Variants in KHDC1 observed in about 807,000 individuals in gnomAD.
KHDC1 encodes the protein KH domain containing 1.
KHDC1 carries 21 observed loss-of-function variants against 24.7 expected under a neutral mutation model. The observed-to-expected ratio is 0.85, with a 90% CI of 0.60 to 1.23. The LOEUF (loss-of-function observed/expected upper bound fraction) is 1.23. KHDC1 is among the 50% of genes most tolerant of loss of function. The probability of loss-of-function intolerance (pLI) is 0.00; values close to 1 mark genes in which losing one functional copy is unlikely to be tolerated. For synonymous variants in KHDC1, 98 were observed against 111.7 expected (o/e 0.88, Z 0.77); for missense variants, 274 against 298.5 (o/e 0.92, Z 0.61).
chr6:73,247,457 G>A (rs1309725454), intron 2 of KHDC1, among the ~76,000 whole-genome samples: 1 of 152,140 alleles, frequency 6.6e-6, no homozygotes, highest in East Asian at 1.9e-4. Flanking sequence ...TGCAGCTGTG[G>A]CAGCAGCACA....
chr6:73,241,393 T>C, exon 5 of KHDC1: 1 of 749,832 alleles, frequency 1.3e-6, no homozygotes, highest in South Asian at 1.6e-5. Context: ...CCCTCAGACA[T>C]GTCTAGAAGA....
intron 2 of KHDC1, among the ~76,000 whole-genome samples, chr6:73,251,994 G>T (rs145649925): frequency 0.014 from 2,031 of 149,216 alleles, 40 homozygotes; most frequent in African/African-American, 0.047. Flanking sequence ...GAGTAGAGGG[G>T]TTATAGGCGT....
intron 2 of KHDC1, among the ~76,000 whole-genome samples, chr6:73,273,079 G>C (rs1375245523): frequency 2.6e-5 from 4 of 151,336 alleles, no homozygotes; most frequent in African/African-American, 9.7e-5. Flanking sequence ...GGCTGGTGGC[G>C]AACTCTTGAC....
intron 2 of KHDC1, among the ~76,000 whole-genome samples, chr6:73,243,985 C>G (rs535678101): frequency 6.6e-6 from 1 of 152,248 alleles, no homozygotes; most frequent in Admixed American, 6.5e-5. Context: ...ATTCCTATTA[C>G]TGGAATTGGA....
intron 2 of KHDC1, chr6:73,290,691 A>C (rs1198384334): frequency 4.4e-6 from 2 of 452,754 alleles, no homozygotes; most frequent in Non-Finnish European, 8.6e-6. Flanking sequence ...CTGCTGCTGG[A>C]GCCACATGTA....
chr6:73,255,214 C>CTTT (rs765910035), intron 2 of KHDC1, among the ~76,000 whole-genome samples: 16 of 121,256 alleles, frequency 1.3e-4, no homozygotes, highest in South Asian at 2.7e-4. Context: ...AAAAAATAAA[C>CTTT]TTTTTTTTTT....
At chr6:73,277,032 AG>A (rs1300061796) in intron 2 of KHDC1, among the ~76,000 whole-genome samples, 1 of 152,204 alleles carries the variant, frequency 6.6e-6, no homozygotes, top group Non-Finnish European at 1.5e-5. Flanking sequence ...TTAATGTCCC[AG>A]GGAACTTTTG....
chr6:73,292,649 A>C, intron 1 of KHDC1: 1 of 755,558 alleles, frequency 1.3e-6, no homozygotes. Context: ...GGTTGTGATA[A>C]TATTGTTGAT....
chr6:73,283,499 A>G (rs927212823), intron 2 of KHDC1, among the ~76,000 whole-genome samples: 1 of 151,872 alleles, frequency 6.6e-6, no homozygotes, highest in Non-Finnish European at 1.5e-5. Context: ...TCAACTCCCG[A>G]CCTCAAGTGA....
At chr6:73,291,772 G>A (rs1213292655) in intron 2 of KHDC1, among the ~76,000 whole-genome samples, 1 of 151,834 alleles carries the variant, frequency 6.6e-6, no homozygotes. Flanking sequence ...AAGGATGGGA[G>A]GGGGGTGAGG....
intron 1 of KHDC1, among the ~76,000 whole-genome samples, chr6:73,302,691 A>T (rs1306332351): frequency 6.6e-6 from 1 of 152,240 alleles, no homozygotes; most frequent in African/African-American, 2.4e-5. Context: ...GTTCTATTAT[A>T]GTCTGATGGG....
chr6:73,306,360 A>AG (rs1275400227), intron 1 of KHDC1, among the ~76,000 whole-genome samples: 37 of 152,088 alleles, frequency 2.4e-4, no homozygotes, highest in African/African-American at 8.9e-4. Context: ...CTCTTCCCCC[A>AG]GCCTCTCCGT....
chr6:73,265,528 CAAAAAAAAAAAA>C (rs70994179), intron 2 of KHDC1, among the ~76,000 whole-genome samples: 5 of 74,502 alleles, frequency 6.7e-5, no homozygotes, highest in African/African-American at 2.1e-4. Flanking sequence ...GACTCCGTCT[CAAAAAAAAAAAA>C]AAAAAAAAAA....
Position 73,309,535 on chromosome 6 carries a change from C to T in KHDC1, c.163+17G>A, listed in dbSNP as rs1018626679. ...GTGAAGGAAGCTTTTCCTACCAGGG[C>T]CCCTAAAGCCACTCACCTCGATTTC... On this transcript the variant is annotated intron_variant, in intron 1 of 4. Coordinates refer to ENST00000370384, the Ensembl canonical transcript of KHDC1. 3.3e-6 allele frequency: 5 copies of T among 1,499,138 alleles called. No homozygotes were observed. The African/African-American group carries it at 4.3e-5, about 13-fold the overall frequency. The allele number at this position is 1,499,138 out of a possible 1,614,324, so 92.9% of individuals were successfully genotyped here. A position where few individuals can be genotyped will look rare whatever the true frequency, so the allele number is the denominator to read the frequency against.
At chr6:73,300,849 A>ATGCT (rs1248437530) in intron 1 of KHDC1, 1 of 152,236 alleles carries the variant, frequency 6.6e-6, no homozygotes, top group East Asian at 1.9e-4. Context: ...CCAGTTTACC[A>ATGCT]TGCTTGTCTG....
intron 2 of KHDC1, among the ~76,000 whole-genome samples, chr6:73,248,657 A>T (rs1204246473): frequency 6.6e-6 from 1 of 152,234 alleles, no homozygotes; most frequent in African/African-American, 2.4e-5. Context: ...GAGGCGAAGC[A>T]TCAGGTGCAA....
intron 1 of KHDC1, among the ~76,000 whole-genome samples, chr6:73,297,989 G>A (rs1041469340): frequency 4.6e-5 from 7 of 152,082 alleles, no homozygotes; most frequent in African/African-American, 1.2e-4. Flanking sequence ...CCGGGAGTTT[G>A]AGACCAGCCT....
chr6:73,288,082 TAG>T (rs1237074043), intron 2 of KHDC1, among the ~76,000 whole-genome samples: 2 of 152,208 alleles, frequency 1.3e-5, no homozygotes, highest in Non-Finnish European at 1.5e-5. Flanking sequence ...ACCTAAAGGA[TAG>T]AGTTAGTCAT....
chr6:73,297,360 A>T (rs572177253), intron 1 of KHDC1, among the ~76,000 whole-genome samples: 2 of 152,244 alleles, frequency 1.3e-5, no homozygotes, highest in East Asian at 3.9e-4. Context: ...GATGATGAGC[A>T]CTTATCTTTT....
Sources: gnomAD v4.1 joint callset for allele counts (sites outside exome capture counted in the v4.1 genomes callset) on GRCh38, gnomAD v4.1.1 for gene constraint, MANE v1.5 for transcripts, NCBI Gene and HGNC (gene_info 2026-07-23, HGNC 2026-07-21) for gene names.